SYT14: variants seen among roughly 807,000 people sequenced by gnomAD.
SYT14 encodes the protein synaptotagmin 14.
SYT14 carries 32 observed loss-of-function variants against 74.2 expected under a neutral mutation model. That is an observed-to-expected ratio of 0.43 (90% confidence interval 0.33 to 0.58). SYT14 has a LOEUF of 0.58. Among genes scored for constraint, SYT14 ranks in the 20% least tolerant of loss-of-function variants. The probability of loss-of-function intolerance (pLI) is 0.05; values close to 1 mark genes in which losing one functional copy is unlikely to be tolerated. For missense variants in SYT14, 791 were observed against 981.8 expected (o/e 0.81, Z 2.60); for synonymous variants, 298 against 337.7 (o/e 0.88, Z 1.29).
intron 7 of SYT14, among the ~76,000 whole-genome samples, chr1:210,124,795 C>G (rs1378616861): frequency 2.6e-5 from 4 of 152,106 alleles, no homozygotes; most frequent in Non-Finnish European, 4.4e-5. Flanking sequence ...CTTTGACTAT[C>G]CCAAAGTCAC....
At chr1:209,976,672 T>C (rs1215517819) in intron 2 of SYT14, among the ~76,000 whole-genome samples, 2 of 152,152 alleles carry the variant, frequency 1.3e-5, no homozygotes, top group East Asian at 3.8e-4. Context: ...GAGAAGAATG[T>C]ATGTTCTGTT....
intron 5 of SYT14, among the ~76,000 whole-genome samples, chr1:210,069,250 T>C (rs1348749950): frequency 6.6e-6 from 1 of 151,938 alleles, no homozygotes; most frequent in East Asian, 1.9e-4. Context: ...GTATGCATTC[T>C]CTAATTCTTC....
At chr1:209,972,941 T>C (rs2079283222) in intron 2 of SYT14, among the ~76,000 whole-genome samples, 2 of 152,200 alleles carry the variant, frequency 1.3e-5, no homozygotes, top group African/African-American at 4.8e-5. Context: ...ATGCTGTCAG[T>C]GGGGTATCGA....
chr1:210,119,544 G>C (rs2082418575), intron 7 of SYT14, among the ~76,000 whole-genome samples: 1 of 152,118 alleles, frequency 6.6e-6, no homozygotes, highest in Admixed American at 6.5e-5. Flanking sequence ...CTTATAATGA[G>C]TCAGAAAGAT....
At chr1:210,104,438 A>T (rs1469843100) in intron 7 of SYT14, among the ~76,000 whole-genome samples, 10 of 152,220 alleles carry the variant, frequency 6.6e-5, no homozygotes, top group Admixed American at 6.5e-4. Context: ...TTTACTATTT[A>T]CTTGCTTTAG....
intron 5 of SYT14, among the ~76,000 whole-genome samples, chr1:210,074,757 A>G (rs1413868436): frequency 6.6e-6 from 1 of 152,146 alleles, no homozygotes; most frequent in Admixed American, 6.5e-5. Context: ...CCGCTACTCA[A>G]ACCTCTAGGG....
chr1:210,153,903 A>AT (rs2083218030), intron 7 of SYT14, among the ~76,000 whole-genome samples: 1 of 152,050 alleles, frequency 6.6e-6, no homozygotes, highest in Non-Finnish European at 1.5e-5. Flanking sequence ...TATATTTAGG[A>AT]TTTTTTCATC....
exon 10 of SYT14, chr1:210,168,729 A>C (rs1317168273): frequency 1.3e-5 from 2 of 152,072 alleles, no homozygotes; most frequent in Non-Finnish European, 2.9e-5. Flanking sequence ...ACGTCACTTC[A>C]CTCGTCAGTT....
exon 10 of SYT14, chr1:210,162,054 C>T: frequency 2.3e-6 from 1 of 443,648 alleles, no homozygotes; most frequent in South Asian, 1.6e-5. Context: ...AAACTGTTCT[C>T]TCTCTAAATC....
chr1:209,990,315 A>T (rs1463378445), intron 2 of SYT14, among the ~76,000 whole-genome samples: 1 of 151,744 alleles, frequency 6.6e-6, no homozygotes, highest in African/African-American at 2.4e-5. Flanking sequence ...AAGTTTAGAA[A>T]ATTAGCATAT....
At chr1:210,061,439 G>A (rs576248150) in intron 5 of SYT14, among the ~76,000 whole-genome samples, 24 of 151,844 alleles carry the variant, frequency 1.6e-4, no homozygotes, top group Non-Finnish European at 3.4e-4. Flanking sequence ...AAACATTTAT[G>A]TTCTTAGTAG....
At chr1:209,957,719 G>A (rs1160002855) in intron 2 of SYT14, among the ~76,000 whole-genome samples, 1 of 151,926 alleles carries the variant, frequency 6.6e-6, no homozygotes, top group Non-Finnish European at 1.5e-5. Context: ...GAACCACCCT[G>A]CCCAGCCTGT....
chr1:210,022,921 A>C (rs1343753866), intron 5 of SYT14, among the ~76,000 whole-genome samples: 1 of 152,050 alleles, frequency 6.6e-6, no homozygotes, highest in Non-Finnish European at 1.5e-5. Context: ...GTCTAGCCTG[A>C]CTTTATAGCC....
intron 1 of SYT14, 106 bp downstream of exon 1, chr1:209,938,383 G>T: frequency 3.3e-6 from 4 of 1,219,702 alleles, no homozygotes; most frequent in Non-Finnish European, 4.5e-6. Context: ...GCCTCCTGTG[G>T]TCTGGAGCCG....
chr1:210,050,494 A>C (rs1195008056), intron 5 of SYT14, among the ~76,000 whole-genome samples: 1 of 152,194 alleles, frequency 6.6e-6, no homozygotes, highest in Non-Finnish European at 1.5e-5. Flanking sequence ...CCAGTTCTAA[A>C]GTTGCTTCCA....
At chr1:209,962,559 T>G (rs1377962671) in intron 2 of SYT14, among the ~76,000 whole-genome samples, 1 of 152,102 alleles carries the variant, frequency 6.6e-6, no homozygotes, top group Non-Finnish European at 1.5e-5. Context: ...CTCAGCTTCT[T>G]TGAACTTCTT....
At position 210,094,248 on chromosome 1, in the gene SYT14, T is replaced by C. The variant is rs1268738108; in HGVS notation, c.1313-74T>C. On this transcript the variant is annotated intron_variant, in intron 5 of 9. Transcript: ENST00000637265. ...TTTTTGATCCAGTTTTCAAAAGTTA[T>C]TTACAATTATTGTAGACTATACTGT... The C allele has an allele frequency of 2.5e-6, 4 of 1,602,170 alleles. No individual in the cohort carries two copies. The Admixed American group carries it at 6.7e-5, about 27-fold the overall frequency.
At chr1:210,157,099 CT>C (rs1222460774) in intron 8 of SYT14, among the ~76,000 whole-genome samples, 1 of 152,038 alleles carries the variant, frequency 6.6e-6, no homozygotes, top group Non-Finnish European at 1.5e-5. Context: ...TTAAAGAATT[CT>C]CACAGACTTA....
exon 10 of SYT14, chr1:210,162,701 ATTAC>A (rs2083397855): frequency 2.2e-6 from 1 of 450,622 alleles, no homozygotes; most frequent in South Asian, 1.6e-5. Flanking sequence ...ATGCGTAGAT[ATTAC>A]TTCAGCTTGG....
Sources: gnomAD v4.1 joint callset for allele counts (sites outside exome capture counted in the v4.1 genomes callset) on GRCh38, gnomAD v4.1.1 for gene constraint, MANE v1.5 for transcripts, NCBI Gene and HGNC (gene_info 2026-07-23, HGNC 2026-07-21) for gene names.